SH3GL3: variants seen among roughly 807,000 people sequenced by gnomAD.
SH3GL3 encodes endophilin-A3.
In SH3GL3, 33 loss-of-function variants were observed where a neutral mutation model predicts 47.7. The observed-to-expected ratio is 0.69, with a 90% CI of 0.52 to 0.92. The LOEUF is 0.92. SH3GL3 is among the 40% of genes least tolerant of loss of function. The probability of loss-of-function intolerance (pLI) is 0.00; values close to 1 mark genes in which losing one functional copy is unlikely to be tolerated. For missense variants in SH3GL3, 363 were observed against 417.8 expected, an observed-to-expected ratio of 0.87 and a Z score of 1.14; for synonymous variants, 155 against 148.8, an observed-to-expected ratio of 1.04 and a Z score of -0.30.
intron 1 of SH3GL3, among the ~76,000 whole-genome samples, chr15:83,457,380 T>G (rs2040045334): frequency 6.6e-6 from 1 of 152,246 alleles, no homozygotes; most frequent in African/African-American, 2.4e-5. Flanking sequence ...TAAAGGACAC[T>G]GCTTGTAGGG....
intron 1 of SH3GL3, among the ~76,000 whole-genome samples, chr15:83,465,022 A>ATAATAG: frequency 6.7e-6 from 1 of 148,886 alleles, no homozygotes; most frequent in South Asian, 2.1e-4. Context: ...AATAATAATA[A>ATAATAG]TAACAGCAAT....
the SH3GL3 span, among the ~76,000 whole-genome samples, chr15:83,627,679 A>C: frequency 1.3e-5 from 2 of 152,156 alleles, no homozygotes; most frequent in Non-Finnish European, 2.9e-5. Context: ...TTGGGCCTTG[A>C]TATGTTTTTA....
intron 1 of SH3GL3, among the ~76,000 whole-genome samples, chr15:83,466,182 C>T (rs2040559720): frequency 6.6e-6 from 1 of 152,136 alleles, no homozygotes; most frequent in African/African-American, 2.4e-5. Context: ...ATACTATATT[C>T]ACCCAGGTTG....
At chr15:83,617,429 C>T (rs141700057) in intron 8 of SH3GL3, among the ~76,000 whole-genome samples, 1 of 152,312 alleles carries the variant, frequency 6.6e-6, no homozygotes, top group East Asian at 1.9e-4. Flanking sequence ...GTAATCCCCA[C>T]ACTTTGGGAG....
chr15:83,499,050 T>C (rs2042190557), intron 1 of SH3GL3, among the ~76,000 whole-genome samples: 1 of 152,084 alleles, frequency 6.6e-6, no homozygotes. Flanking sequence ...GCTGTAAAAA[T>C]TTTAGGAATT....
intron 1 of SH3GL3, among the ~76,000 whole-genome samples, chr15:83,456,773 G>A (rs890389280): frequency 1.7e-4 from 26 of 151,760 alleles, no homozygotes; most frequent in East Asian, 7.8e-4. Flanking sequence ...CGTCTTCTGC[G>A]TCGCTCACGC....
intron 8 of SH3GL3, among the ~76,000 whole-genome samples, chr15:83,610,980 A>AAAAATAT (rs71453206): frequency 2.6e-4 from 38 of 147,040 alleles, no homozygotes; most frequent in African/African-American, 9.0e-4. Flanking sequence ...TCAGCCAAAA[A>AAAAATAT]ATATATATAT....
chr15:83,470,786 A>T (rs538987127), intron 1 of SH3GL3, among the ~76,000 whole-genome samples: 1 of 152,146 alleles, frequency 6.6e-6, no homozygotes, highest in East Asian at 1.9e-4. Flanking sequence ...GTTTTTGAGT[A>T]CACCTCTTTG....
At chr15:83,512,685 C>T (rs550272784) in intron 1 of SH3GL3, among the ~76,000 whole-genome samples, 3 of 152,234 alleles carry the variant, frequency 2.0e-5, no homozygotes, top group African/African-American at 7.2e-5. Context: ...TTCCTTCCTC[C>T]CCGTCCCTGC....
chr15:83,571,814 A>G (rs550986321), intron 4 of SH3GL3, among the ~76,000 whole-genome samples: 2 of 152,182 alleles, frequency 1.3e-5, no homozygotes, highest in East Asian at 3.9e-4. Context: ...TTTCCCAGGG[A>G]TGTTTTCTAG....
chr15:83,602,354 A>T (rs1342136051), intron 8 of SH3GL3, among the ~76,000 whole-genome samples: 1 of 152,190 alleles, frequency 6.6e-6, no homozygotes, highest in Non-Finnish European at 1.5e-5. Context: ...TAGACTGGGT[A>T]GCTTTTACTT....
chr15:83,540,655 C>T (rs188550455), intron 1 of SH3GL3, among the ~76,000 whole-genome samples: 91 of 151,830 alleles, frequency 6.0e-4, no homozygotes, highest in Non-Finnish European at 9.9e-4. Flanking sequence ...TACATAGAGG[C>T]GTAAGTATTT....
intron 1 of SH3GL3, among the ~76,000 whole-genome samples, chr15:83,515,056 C>T (rs1278088506): frequency 6.6e-6 from 1 of 152,100 alleles, no homozygotes; most frequent in African/African-American, 2.4e-5. Context: ...AAGGAACCAA[C>T]CCTGCCAGCC....
At chr15:83,632,471 T>C in the SH3GL3 span, among the ~76,000 whole-genome samples, 1 of 152,208 alleles carries the variant, frequency 6.6e-6, no homozygotes, top group Non-Finnish European at 1.5e-5. Context: ...ATTAGTCTAT[T>C]CTCACACTGC....
intron 8 of SH3GL3, among the ~76,000 whole-genome samples, chr15:83,607,840 A>AAATAATAATAATAATAAT (rs60113695): frequency 2.3e-4 from 33 of 142,940 alleles, no homozygotes; most frequent in South Asian, 7.0e-4. Flanking sequence ...TCAGAGTGGC[A>AAATAATAATAATAATAAT]AATAATAATA....
chr15:83,589,602 C>A (rs554656007), intron 8 of SH3GL3, among the ~76,000 whole-genome samples: 1 of 152,296 alleles, frequency 6.6e-6, no homozygotes, highest in South Asian at 2.1e-4. Context: ...GCCTGCAACT[C>A]CTGGGCTCAA....
At chr15:83,500,852 C>G (rs944112947) in intron 1 of SH3GL3, among the ~76,000 whole-genome samples, 3 of 152,226 alleles carry the variant, frequency 2.0e-5, no homozygotes, top group African/African-American at 7.2e-5. Flanking sequence ...CTTGGCCTTG[C>G]TCTCTTTCCT....
intron 1 of SH3GL3, among the ~76,000 whole-genome samples, chr15:83,494,459 G>C (rs1308248084): frequency 6.6e-6 from 1 of 152,088 alleles, no homozygotes; most frequent in East Asian, 1.9e-4. Context: ...CTGTGGAGTA[G>C]GACTCTTGAG....
intron 1 of SH3GL3, among the ~76,000 whole-genome samples, chr15:83,490,535 C>G (rs1009226304): frequency 6.6e-6 from 1 of 152,158 alleles, no homozygotes; most frequent in African/African-American, 2.4e-5. Flanking sequence ...TGAAGACAAA[C>G]AGGAATTGAG....
Sources: allele counts gnomAD v4.1 joint callset (sites outside exome capture counted in the v4.1 genomes callset), GRCh38; gene constraint gnomAD v4.1.1; transcripts MANE v1.5; gene names NCBI Gene and HGNC (gene_info 2026-07-23, HGNC 2026-07-21).